The following TDRD1 variants were observed in gnomAD, a reference collection of about 807,000 sequenced individuals.
TDRD1 encodes the protein tudor domain containing 1, also known as tudor domain-containing protein 1.
Under a neutral mutation model 140.6 loss-of-function variants are expected in TDRD1, and 37 were observed. The observed-to-expected ratio is 0.26, with a 90% CI of 0.20 to 0.35. The LOEUF (loss-of-function observed/expected upper bound fraction) is 0.35, where lower values mean the gene tolerates loss of function less well. Ranked by LOEUF, TDRD1 falls within the 10% of genes least tolerant of loss-of-function variation. TDRD1 has a pLI of 1.00. For synonymous variants in TDRD1, 506 were observed against 475.7 expected (o/e 1.06, Z -0.83); for missense variants, 1,243 against 1,393.0 (o/e 0.89, Z 1.71).
At chr10:114,228,234 G>C (rs972223278) in intron 25 of TDRD1, 1 of 1,445,532 alleles carries the variant, frequency 6.9e-7, no homozygotes, top group African/African-American at 1.4e-5. Flanking sequence ...TTGTAAGGCT[G>C]TACTTTCGTG....
chr10:114,201,135 C>T (rs1318679283), intron 4 of TDRD1, among the ~76,000 whole-genome samples: 1 of 152,078 alleles, frequency 6.6e-6, no homozygotes, highest in Admixed American at 6.6e-5. Context: ...GGATTACAGA[C>T]GTGAGCCACT....
intron 6 of TDRD1, 145 bp from the exon 7 acceptor site, chr10:114,202,927 C>CT: frequency 1.5e-6 from 1 of 659,776 alleles, no homozygotes; most frequent in Admixed American, 2.6e-5. Flanking sequence ...TTTAGTGACT[C>CT]TTGGAGGCCT....
chr10:114,187,208 G>A (rs1239557789), intron 1 of TDRD1, among the ~76,000 whole-genome samples: 2 of 152,166 alleles, frequency 1.3e-5, no homozygotes, highest in African/African-American at 4.8e-5. Context: ...GTCCTTAAAA[G>A]CAGTAGGTAT....
At chr10:114,225,020 C>T (rs999459990) in intron 21 of TDRD1, among the ~76,000 whole-genome samples, 2 of 152,166 alleles carry the variant, frequency 1.3e-5, no homozygotes, top group Non-Finnish European at 2.9e-5. Context: ...CTCCCAGTGT[C>T]GCCATCTTGA....
exon 26 of TDRD1, chr10:114,232,151 A>G (rs999493552): frequency 3.3e-4 from 50 of 152,212 alleles, no homozygotes; most frequent in African/African-American, 1.2e-3. Context: ...CTTTGGGCAC[A>G]GAGTCTGACC....
rs780473726 is a variant in TDRD1, at chr10:114,213,457, C to T, written c.1943C>T (p.Ser648Phe). The T allele has an allele frequency of 5.0e-6, 8 of 1,613,980 alleles. No homozygotes were observed. In the South Asian group the frequency reaches 5.5e-5, roughly 11 times the overall value. The change falls in exon 15 of 26, where the codon TCC becomes TTC. Residue 648 changes from serine (S) to phenylalanine (F), a missense_variant. Physicochemically the swap from Ser to Phe is radical, Grantham distance 155 (BLOSUM62 -2). Around this residue, in one of 5 missense-constraint regions of TDRD1, gnomAD observed 601 missense variants for 734.7 expected, o/e 0.82. Transcript: ENST00000251864. ...GTGGTGGACAAGTTGGAAAACAGTT[C>T]CCTGGTGGAGCTTATTGATAAATCC...
chr10:114,228,819 C>T (rs765680108), intron 25 of TDRD1: 5 of 982,338 alleles, frequency 5.1e-6, no homozygotes, highest in South Asian at 4.7e-5. Flanking sequence ...GGTGGTGGCT[C>T]ACGCCTGTAA....
exon 26 of TDRD1, chr10:114,231,489 C>T (rs2036754860): frequency 6.2e-7 from 1 of 1,601,308 alleles, no homozygotes; most frequent in Non-Finnish European, 8.5e-7. Flanking sequence ...TTTTCAGAAA[C>T]AGCATCTCTT....
intron 25 of TDRD1, chr10:114,228,798 T>G: frequency 1.0e-6 from 1 of 985,370 alleles, no homozygotes; most frequent in Non-Finnish European, 1.2e-6. Flanking sequence ...GAACTTCTGA[T>G]CAGGGCTGGG....
At chr10:114,223,043 C>CT (rs2036235310) in intron 21 of TDRD1, among the ~76,000 whole-genome samples, 1 of 152,130 alleles carries the variant, frequency 6.6e-6, no homozygotes, top group African/African-American at 2.4e-5. Context: ...TGTGAATGTA[C>CT]TAAAAGAAGG....
chr10:114,204,828 A>C, exon 10 of TDRD1: 1 of 1,600,394 alleles, frequency 6.2e-7, no homozygotes, highest in Non-Finnish European at 8.5e-7. Flanking sequence ...TGCTCCATAA[A>C]GATTGTCGAC....
chr10:114,219,873 T>C (rs966398854), intron 18 of TDRD1, among the ~76,000 whole-genome samples: 3 of 152,234 alleles, frequency 2.0e-5, no homozygotes, highest in Non-Finnish European at 2.9e-5. Context: ...ATTACAGGCA[T>C]GAGCCACTGT....
At chr10:114,206,522 C>A (rs997914847) in intron 11 of TDRD1, among the ~76,000 whole-genome samples, 192 bp downstream of exon 11, 1 of 151,960 alleles carries the variant, frequency 6.6e-6, no homozygotes, top group Non-Finnish European at 1.5e-5. Flanking sequence ...TGTTCTCCTC[C>A]TCTGTCCATT....
upstream of TDRD1, among the ~76,000 whole-genome samples, chr10:114,177,818 T>G (rs940879754): frequency 6.6e-6 from 1 of 151,030 alleles, no homozygotes; most frequent in Non-Finnish European, 1.5e-5. Flanking sequence ...GCACCTTCTT[T>G]TCTTTCTTTC....
chr10:114,227,333 T>A, intron 23 of TDRD1, 34 bp downstream of exon 23: 1 of 1,410,444 alleles, frequency 7.1e-7, no homozygotes, highest in Non-Finnish European at 1.0e-6. Flanking sequence ...TAACAGATGT[T>A]AAGTGTGAGG....
At chr10:114,198,739 G>C (rs938035382) in intron 3 of TDRD1, among the ~76,000 whole-genome samples, 2 of 152,134 alleles carry the variant, frequency 1.3e-5, no homozygotes, top group African/African-American at 4.8e-5. Context: ...CTACAGCCTT[G>C]AGCTCCTGAG....
chr10:114,180,627 G>T (rs2119897265), intron 1 of TDRD1, among the ~76,000 whole-genome samples: 1 of 152,216 alleles, frequency 6.6e-6, no homozygotes, highest in South Asian at 2.1e-4. Flanking sequence ...CCGGCGCCCT[G>T]CTAATTTTTG....
intron 3 of TDRD1, 75 bp downstream of exon 3, chr10:114,191,094 T>A (rs1400506444): frequency 6.9e-7 from 1 of 1,449,854 alleles, no homozygotes; most frequent in African/African-American, 1.4e-5. Context: ...AATAAAGAAG[T>A]GTTCAATTTG....
chr10:114,221,203 A>T (rs1041072903), intron 19 of TDRD1, among the ~76,000 whole-genome samples, 154 bp from the exon 20 acceptor site: 4 of 152,158 alleles, frequency 2.6e-5, no homozygotes, highest in African/African-American at 9.7e-5. Flanking sequence ...AATAGAATAG[A>T]TTGTTTTGTG....
Sources: allele counts gnomAD v4.1 joint callset (sites outside exome capture counted in the v4.1 genomes callset), GRCh38; gene constraint gnomAD v4.1.1; regional missense constraint gnomAD v4.1.1; transcripts MANE v1.5; gene names NCBI Gene and HGNC (gene_info 2026-07-23, HGNC 2026-07-21).